Variants in CERS3 observed in about 807,000 individuals in gnomAD.
CERS3 encodes LAG1 homolog, ceramide synthase 3.
In CERS3, 33 loss-of-function variants were observed where a neutral mutation model predicts 50.3. The ratio of observed to expected loss-of-function variants is 0.66; its 90% CI spans 0.50 to 0.88. The LOEUF is 0.88. Among genes scored for constraint, CERS3 ranks in the 40% least tolerant of loss-of-function variants. The pLI is 0.00. For synonymous variants in CERS3, 176 were observed against 155.2 expected (o/e 1.13, Z -0.99); for missense variants, 470 against 460.3 (o/e 1.02, Z -0.19).
In CERS3 at chr15:100,405,756, A is replaced by C. The variant is rs140777159; in HGVS notation, c.1000-2891T>G. Among the ~76,000 whole-genome samples the C allele has an allele frequency of 4.3e-3, 658 of 152,328 alleles. 4 individuals carry two copies. The highest frequency in any genetic ancestry group is 0.014 in the African/African-American group (600 of 41,566). On this transcript the variant is annotated intron_variant, in intron 11 of 11. Coordinates refer to ENST00000679737, the MANE Select transcript of CERS3 (RefSeq NM_001378789.1). ...GTATCCTGATTATGGGGATGGCTGC[A>C]CAAATATACACACATGTTAAAATTC...
upstream of CERS3, among the ~76,000 whole-genome samples, chr15:100,530,885 C>T (rs1405980802): frequency 2.6e-5 from 4 of 152,064 alleles, no homozygotes; most frequent in Non-Finnish European, 4.4e-5. Context: ...GAGTTTGAGA[C>T]CAGCCTGGCC....
intron 11 of CERS3, among the ~76,000 whole-genome samples, chr15:100,434,108 C>T (rs1040965287): frequency 2.0e-5 from 3 of 152,232 alleles, no homozygotes; most frequent in Admixed American, 2.0e-4. Context: ...AGTTCCATTC[C>T]TTTGAAAGAC....
Position 100,540,999 on chromosome 15 carries a change from G to T in CERS3, c.-355+3652C>A, listed in dbSNP as rs147546787. ...CTATGAGTCTAAAAATAGAGAAATC[G>T]CAGTGAACAAGGCAGATACCGTCCC... is the stretch of plus-strand genomic sequence containing the variant. On this transcript the variant is annotated intron_variant, in intron 1 of 12. Transcript: ENST00000284382. 3.0e-4 allele frequency among the ~76,000 whole-genome samples: 45 copies of T among 152,214 alleles called. No homozygotes were observed. In the East Asian group the frequency reaches 7.5e-3, roughly 25 times the overall value.
intron 1 of CERS3, among the ~76,000 whole-genome samples, chr15:100,522,877 G>A (rs1255947217): frequency 6.6e-6 from 1 of 152,218 alleles, no homozygotes; most frequent in Non-Finnish European, 1.5e-5. Flanking sequence ...TAAGGCATAT[G>A]TATATTCAGT....
intron 4 of CERS3, 96 bp from the exon 5 acceptor site, chr15:100,484,764 C>T: frequency 1.1e-6 from 1 of 872,456 alleles, no homozygotes; most frequent in Non-Finnish European, 1.9e-6. Context: ...AGCTTCGGTA[C>T]TGGGGATGAG....
chr15:100,497,893 A>G (rs2035874866), intron 3 of CERS3, among the ~76,000 whole-genome samples: 1 of 23,160 alleles, frequency 4.3e-5, no homozygotes, highest in Non-Finnish European at 1.0e-4. Flanking sequence ...ACACACACAC[A>G]CACTTTTTTT....
intron 2 of CERS3, among the ~76,000 whole-genome samples, chr15:100,511,295 C>CA (rs111351405): frequency 6.6e-6 from 1 of 150,526 alleles, no homozygotes; most frequent in African/African-American, 2.4e-5. Flanking sequence ...TCTCAAAGAA[C>CA]AAAAAAAGAA....
At chr15:100,537,973 C>A (rs576664943) in intron 1 of CERS3, among the ~76,000 whole-genome samples, 8 of 152,304 alleles carry the variant, frequency 5.3e-5, no homozygotes, top group Admixed American at 1.3e-4. Context: ...ATTGGGTAAA[C>A]ACACCCATTC....
At chr15:100,533,435 C>T (rs530364092), upstream of CERS3, among the ~76,000 whole-genome samples, 1 of 152,312 alleles carries the variant, frequency 6.6e-6, no homozygotes, top group African/African-American at 2.4e-5. Context: ...GTCTCTTCCT[C>T]TCTACCACAG....
chr15:100,530,740 G>A (rs749223002), upstream of CERS3, among the ~76,000 whole-genome samples: 21 of 152,120 alleles, frequency 1.4e-4, no homozygotes, highest in Non-Finnish European at 2.5e-4. Flanking sequence ...AGAATGTCCT[G>A]AACCCTATTT....
At chr15:100,486,586 A>G (rs575331603) in intron 4 of CERS3, among the ~76,000 whole-genome samples, 3 of 152,268 alleles carry the variant, frequency 2.0e-5, no homozygotes, top group Non-Finnish European at 4.4e-5. Flanking sequence ...TACTTTTAAC[A>G]TAATTTGCAA....
intron 11 of CERS3, among the ~76,000 whole-genome samples, chr15:100,424,217 A>T (rs1220006216): frequency 6.6e-6 from 1 of 152,212 alleles, no homozygotes; most frequent in African/African-American, 2.4e-5. Flanking sequence ...CTGGGATTAC[A>T]GGTGTGAGCC....
At chr15:100,478,885 G>A (rs1046975408) in intron 7 of CERS3, among the ~76,000 whole-genome samples, 6 of 152,040 alleles carry the variant, frequency 3.9e-5, no homozygotes, top group Non-Finnish European at 7.4e-5. Flanking sequence ...TAACTTGACC[G>A]ATTTACAGAA....
chr15:100,464,377 C>A (rs1418347768), intron 10 of CERS3, among the ~76,000 whole-genome samples: 4 of 152,140 alleles, frequency 2.6e-5, no homozygotes, highest in African/African-American at 7.2e-5. Flanking sequence ...GTCTCACTCC[C>A]CTTGTACTGT....
At chr15:100,449,034 C>G (rs1236953849) in intron 11 of CERS3, among the ~76,000 whole-genome samples, 2 of 152,196 alleles carry the variant, frequency 1.3e-5, no homozygotes, top group Non-Finnish European at 2.9e-5. Context: ...CCCCTGCCTA[C>G]CACAACCAGC....
rs193051925 is a variant in CERS3 at position 100,425,126 on chromosome 15, C to T, written c.1000-22261G>A. 3.3e-3 allele frequency among the ~76,000 whole-genome samples: 496 copies of T among 152,222 alleles called. 1 individual carries two copies. The highest frequency in any genetic ancestry group is 0.011 in the African/African-American group (471 of 41,528). On this transcript the variant is annotated intron_variant, in intron 11 of 11. Coordinates refer to ENST00000679737, the MANE Select transcript of CERS3 (RefSeq NM_001378789.1). ...CCTAGACATCCAGGCAGAAATCTGC[C>T]GAAGGGGTGGAGCACTCATGAAGAA...
chr15:100,434,742 C>A (rs1330915275), intron 11 of CERS3, among the ~76,000 whole-genome samples: 1 of 152,162 alleles, frequency 6.6e-6, no homozygotes, highest in Admixed American at 6.5e-5. Flanking sequence ...TGTGAATGTG[C>A]AGATTTATTA....
intron 2 of CERS3, among the ~76,000 whole-genome samples, chr15:100,519,434 GAA>G (rs11356450): frequency 1.3e-5 from 2 of 151,860 alleles, no homozygotes; most frequent in East Asian, 3.9e-4. Context: ...GAAATGTTCT[GAA>G]AAAAAAGTGA....
intron 11 of CERS3, among the ~76,000 whole-genome samples, chr15:100,435,100 A>G (rs2033336917): frequency 6.6e-6 from 1 of 152,198 alleles, no homozygotes; most frequent in Non-Finnish European, 1.5e-5. Flanking sequence ...AGCAGCTCTC[A>G]TCTTAAGCCC....
Sources: gnomAD v4.1 joint callset for allele counts (sites outside exome capture counted in the v4.1 genomes callset) on GRCh38, gnomAD v4.1.1 for gene constraint, MANE v1.5 for transcripts, NCBI Gene and HGNC (gene_info 2026-07-23, HGNC 2026-07-21) for gene names.